The following TENM2 variants were observed in gnomAD, a reference collection of about 807,000 sequenced individuals.
TENM2 encodes teneurin transmembrane protein 2.
TENM2 carries 52 observed loss-of-function variants against 245.2 expected under a neutral mutation model. The ratio of observed to expected loss-of-function variants is 0.21; its 90% CI spans 0.17 to 0.27. The LOEUF (loss-of-function observed/expected upper bound fraction) is 0.27. Among genes scored for constraint, TENM2 ranks in the 10% least tolerant of loss-of-function variants. The probability of loss-of-function intolerance (pLI) is 1.00; values close to 1 mark genes in which losing one functional copy is unlikely to be tolerated. For missense variants in TENM2, 3,046 were observed against 3,666.8 expected (o/e 0.83, Z 4.37); for synonymous variants, 1,363 against 1,438.9 (o/e 0.95, Z 1.19).
At chr5:167,153,753 TA>T in the TENM2 span, among the ~76,000 whole-genome samples, 1 of 152,006 alleles carries the variant, frequency 6.6e-6, no homozygotes, top group African/African-American at 2.4e-5. Flanking sequence ...TGGTGTTTAT[TA>T]AATAATTACA....
At chr5:168,258,733 G>A (rs1389481332) in intron 27 of TENM2, among the ~76,000 whole-genome samples, 2 of 152,334 alleles carry the variant, frequency 1.3e-5, no homozygotes, top group East Asian at 3.9e-4. Context: ...GTAATGCAGA[G>A]TGACTACTAA....
intron 5 of TENM2, among the ~76,000 whole-genome samples, chr5:168,044,506 T>G (rs78350504): frequency 5.2e-4 from 79 of 152,282 alleles, no homozygotes; most frequent in Non-Finnish European, 9.1e-4. Context: ...TGCCTCTGAT[T>G]ATGTGTTTTT....
intron 2 of TENM2, among the ~76,000 whole-genome samples, chr5:167,424,906 T>C (rs1203376273): frequency 6.6e-6 from 1 of 152,170 alleles, no homozygotes; most frequent in East Asian, 1.9e-4. Context: ...GGAAGTATCA[T>C]AATCTACAGC....
chr5:167,000,306 G>C, the TENM2 span, among the ~76,000 whole-genome samples: 1 of 152,126 alleles, frequency 6.6e-6, no homozygotes, highest in South Asian at 2.1e-4. Context: ...TATTTGGATT[G>C]TTAGAAGTTT....
At chr5:167,933,927 A>G (rs1778490651) in intron 3 of TENM2, among the ~76,000 whole-genome samples, 1 of 152,224 alleles carries the variant, frequency 6.6e-6, no homozygotes, top group Non-Finnish European at 1.5e-5. Context: ...AGCAATTGTT[A>G]TTATTATCAT....
chr5:167,081,117 A>G, the TENM2 span, among the ~76,000 whole-genome samples: 1 of 151,836 alleles, frequency 6.6e-6, no homozygotes, highest in Non-Finnish European at 1.5e-5. Flanking sequence ...TATTATTTTT[A>G]TGAGAAAAAA....
At chr5:167,899,172 G>A (rs1343094760) in intron 3 of TENM2, among the ~76,000 whole-genome samples, 2 of 152,066 alleles carry the variant, frequency 1.3e-5, no homozygotes, top group East Asian at 1.9e-4. Context: ...AAAGAGGACC[G>A]AACCTCCAAT....
chr5:167,250,165 T>C, the TENM2 span, among the ~76,000 whole-genome samples: 12 of 151,978 alleles, frequency 7.9e-5, no homozygotes, highest in South Asian at 2.1e-4. Flanking sequence ...TTGGTAGGAA[T>C]AAAAGATTAG....
At chr5:167,346,603 CTG>C (rs1758470266) in intron 1 of TENM2, among the ~76,000 whole-genome samples, 1 of 152,306 alleles carries the variant, frequency 6.6e-6, no homozygotes, top group East Asian at 1.9e-4. Context: ...CTGCCAAGAA[CTG>C]TGACGGTTCT....
intron 7 of TENM2, among the ~76,000 whole-genome samples, chr5:168,076,623 A>G (rs1237972194): frequency 1.3e-5 from 2 of 152,184 alleles, no homozygotes; most frequent in East Asian, 1.9e-4. Flanking sequence ...TGTCTGTATC[A>G]TTCACTGCTG....
At chr5:167,593,252 T>C (rs1053181285) in intron 2 of TENM2, among the ~76,000 whole-genome samples, 7 of 152,224 alleles carry the variant, frequency 4.6e-5, no homozygotes. Flanking sequence ...AAGATGACTT[T>C]GAGTTTTAAT....
chr5:167,318,532 T>C, intron 1 of TENM2, among the ~76,000 whole-genome samples: 1 of 152,148 alleles, frequency 6.6e-6, no homozygotes, highest in East Asian at 1.9e-4. Context: ...CTTCTTTTCA[T>C]CTATAAATAT....
intron 3 of TENM2, among the ~76,000 whole-genome samples, chr5:167,891,087 T>C (rs765114372): frequency 4.6e-5 from 7 of 152,202 alleles, no homozygotes; most frequent in Non-Finnish European, 1.0e-4. Context: ...CTATGTTTTG[T>C]AGGACTTGGT....
the TENM2 span, among the ~76,000 whole-genome samples, chr5:167,182,366 A>G: frequency 6.6e-6 from 1 of 152,078 alleles, no homozygotes; most frequent in East Asian, 1.9e-4. Flanking sequence ...TTTTCTTGAG[A>G]GACTTTTGTT....
chr5:167,717,948 A>C (rs1759377759), intron 2 of TENM2, among the ~76,000 whole-genome samples: 1 of 152,190 alleles, frequency 6.6e-6, no homozygotes. Flanking sequence ...AAATACCCTG[A>C]CTTCTCTTTT....
At chr5:167,511,141 A>G (rs896609714) in intron 2 of TENM2, among the ~76,000 whole-genome samples, 5 of 152,344 alleles carry the variant, frequency 3.3e-5, no homozygotes, top group African/African-American at 4.8e-5. Flanking sequence ...TCAAAGATAA[A>G]TAAGAATAGC....
At chr5:168,123,309 C>T (rs1581378300) in intron 10 of TENM2, among the ~76,000 whole-genome samples, 1 of 151,786 alleles carries the variant, frequency 6.6e-6, no homozygotes, top group African/African-American at 2.4e-5. Flanking sequence ...AGAAAACAAA[C>T]AAACAAACAA....
intron 2 of TENM2, among the ~76,000 whole-genome samples, chr5:167,534,948 C>A (rs753227352): frequency 1.3e-5 from 2 of 152,066 alleles, no homozygotes; most frequent in Non-Finnish European, 2.9e-5. Context: ...GTTTTTCTAT[C>A]TTTGTCAGTT....
rs1299273232 is a variant in TENM2 at position 168,165,637 on chromosome 5, T to TC, written c.2569+2889dup. ...GTTGCCCACCAGGCACAATTCAGGA[T>TC]CCCCCCCCCAACCCCCCCCCCCCCC... On this transcript the variant is annotated intron_variant, in intron 13 of 28. Transcript: ENST00000518659. Among the ~76,000 whole-genome samples, 43 of 22,618 alleles carry TC rather than the reference T, an allele frequency of 1.9e-3. 1 individual carries two copies. The highest frequency in any genetic ancestry group is 5.3e-3 in the Non-Finnish European group (36 of 6,750). The allele number at this position is 22,618 out of a possible 152,430, so 14.8% of individuals were successfully genotyped here.
Sources: allele counts gnomAD v4.1 joint callset (sites outside exome capture counted in the v4.1 genomes callset), GRCh38; gene constraint gnomAD v4.1.1; transcripts MANE v1.5; gene names NCBI Gene and HGNC (gene_info 2026-07-23, HGNC 2026-07-21).